Variants in CFAP210 observed in about 807,000 individuals in gnomAD.
CFAP210 encodes cilia and flagella associated protein 210, also known as cilia- and flagella- associated protein 210.
chr2:169,649,922 CAA>C, the CFAP210 span, among the ~76,000 whole-genome samples: 1 of 144,128 alleles, frequency 6.9e-6, no homozygotes. Flanking sequence ...AACTCTGTCT[CAA>C]AAAAAAAAAA....
chr2:169,662,635 T>A, the CFAP210 span, among the ~76,000 whole-genome samples: 1 of 152,226 alleles, frequency 6.6e-6, no homozygotes, highest in African/African-American at 2.4e-5. Context: ...TGGCAATACT[T>A]TCCTTGCTTC....
chr2:169,645,714 G>T, the CFAP210 span: 1 of 672,850 alleles, frequency 1.5e-6, no homozygotes, highest in African/African-American at 1.8e-5. Context: ...GAAATACTGA[G>T]AACAATCAAT....
At chr2:169,671,056 T>C in the CFAP210 span, among the ~76,000 whole-genome samples, 1 of 152,338 alleles carries the variant, frequency 6.6e-6, no homozygotes, top group African/African-American at 2.4e-5. Flanking sequence ...ATACGGTCTC[T>C]GCCCAAAGAA....
the CFAP210 span, among the ~76,000 whole-genome samples, chr2:169,660,001 A>G: frequency 1.5e-4 from 22 of 151,414 alleles, no homozygotes; most frequent in East Asian, 5.8e-4. Flanking sequence ...GTAATGTCTC[A>G]TTTTTCATCT....
the CFAP210 span, among the ~76,000 whole-genome samples, chr2:169,687,633 G>C: frequency 6.6e-6 from 1 of 152,222 alleles, no homozygotes; most frequent in Non-Finnish European, 1.5e-5. Flanking sequence ...TGGCCTTGCA[G>C]GGTACAGCCT....
the CFAP210 span, among the ~76,000 whole-genome samples, chr2:169,660,083 TA>T: frequency 0.15 from 21,551 of 148,032 alleles, 1,590 homozygotes; most frequent in South Asian, 0.26. Flanking sequence ...TGTTTATCTT[TA>T]AAAAAAAAAA....
At chr2:169,645,961 AC>A in the CFAP210 span, 1 of 1,613,900 alleles carries the variant, frequency 6.2e-7, no homozygotes, top group Non-Finnish European at 8.5e-7. Flanking sequence ...GTCTTAATCC[AC>A]CTCTGTCCAC....
At chr2:169,654,302 C>A in the CFAP210 span, 2 of 1,156,480 alleles carry the variant, frequency 1.7e-6, no homozygotes, top group South Asian at 3.6e-5. Context: ...GTCAAATGGT[C>A]ACAGCTTCTG....
At chr2:169,647,938 TTCAGG>T in the CFAP210 span, among the ~76,000 whole-genome samples, 1 of 151,948 alleles carries the variant, frequency 6.6e-6, no homozygotes, top group Non-Finnish European at 1.5e-5. Context: ...AGGTGGGCAC[TTCAGG>T]TCAGGAGTTC....
chr2:169,674,572 A>G, the CFAP210 span: 1 of 1,586,022 alleles, frequency 6.3e-7, no homozygotes, highest in African/African-American at 1.4e-5. Flanking sequence ...TTATGTATAC[A>G]TACTGTTTTA....
the CFAP210 span, chr2:169,694,331 G>A: frequency 8.1e-6 from 13 of 1,613,768 alleles, no homozygotes; most frequent in Non-Finnish European, 1.1e-5. Flanking sequence ...TGTCCATGAT[G>A]CTCCTAGATC....
At chr2:169,664,026 T>TA in the CFAP210 span, among the ~76,000 whole-genome samples, 28,951 of 101,902 alleles carry the variant, frequency 0.28, 3,882 homozygotes, top group South Asian at 0.42. Flanking sequence ...CCAACTCTAC[T>TA]AAAAAAAAAA....
chr2:169,651,865 T>C, the CFAP210 span, among the ~76,000 whole-genome samples: 2 of 141,888 alleles, frequency 1.4e-5, no homozygotes, highest in African/African-American at 2.8e-5. Context: ...CCCTTTACAC[T>C]ATAAGGTTCC....
chr2:169,667,435 G>A, the CFAP210 span, among the ~76,000 whole-genome samples: 1 of 152,026 alleles, frequency 6.6e-6, no homozygotes, highest in African/African-American at 2.4e-5. Flanking sequence ...CACTGTGCCT[G>A]GCCCAAATGT....
chr2:169,650,244 T>C, the CFAP210 span: 11 of 1,320,976 alleles, frequency 8.3e-6, no homozygotes. Flanking sequence ...TAGTTTTTGG[T>C]TAGAGAGGCA....
chr2:169,652,770 C>A, the CFAP210 span, among the ~76,000 whole-genome samples: 10 of 150,248 alleles, frequency 6.7e-5, no homozygotes, highest in Non-Finnish European at 1.3e-4. Context: ...CCGAGGCGGG[C>A]GGATCACGAG....
the CFAP210 span, among the ~76,000 whole-genome samples, chr2:169,660,032 C>A: frequency 6.6e-6 from 1 of 151,404 alleles, no homozygotes; most frequent in Non-Finnish European, 1.5e-5. Flanking sequence ...TTATTCAGGT[C>A]TTCTCTTTTT....
At chr2:169,650,606 A>G in the CFAP210 span, 1 of 1,354,148 alleles carries the variant, frequency 7.4e-7, no homozygotes, top group Non-Finnish European at 9.5e-7. Flanking sequence ...AATCTGAGAT[A>G]TTTTGCAGTC....
chr2:169,686,271 T>C, the CFAP210 span, among the ~76,000 whole-genome samples: 1 of 151,934 alleles, frequency 6.6e-6, no homozygotes, highest in East Asian at 2.0e-4. Flanking sequence ...AAAATTGTTT[T>C]AGCTATTCTA....
Sources: allele counts gnomAD v4.1 joint callset (sites outside exome capture counted in the v4.1 genomes callset), GRCh38; gene constraint gnomAD v4.1.1; transcripts MANE v1.5; gene names NCBI Gene and HGNC (gene_info 2026-07-23, HGNC 2026-07-21).